SOX6: variants seen among roughly 807,000 people sequenced by gnomAD.
The protein encoded by SOX6 is SRY-box transcription factor 6, also known as transcription factor SOX-6.
In SOX6, 11 loss-of-function variants were observed where a neutral mutation model predicts 97.8. The ratio of observed to expected loss-of-function variants is 0.11; its 90% CI spans 0.07 to 0.19. The LOEUF (loss-of-function observed/expected upper bound fraction) is 0.19. Among genes scored for constraint, SOX6 ranks in the 10% least tolerant of loss-of-function variants. The probability of loss-of-function intolerance (pLI) is 1.00; values close to 1 mark genes in which losing one functional copy is unlikely to be tolerated. For missense variants in SOX6, 810 were observed against 1,039.5 expected (o/e 0.78, Z 3.04); for synonymous variants, 360 against 371.4 (o/e 0.97, Z 0.35).
At chr11:16,236,237 G>C (rs1330165172) in intron 3 of SOX6, among the ~76,000 whole-genome samples, 1 of 151,906 alleles carries the variant, frequency 6.6e-6, no homozygotes, top group African/African-American at 2.4e-5. Flanking sequence ...ATATGTTCGG[G>C]TTGCATTTAA....
Position 15,986,289 on chromosome 11 carries a change from C to T in SOX6, c.2098G>A (p.Val700Ile). 1 of 1,614,140 alleles carries T rather than the reference C, an allele frequency of 6.2e-7. No individual in the cohort carries two copies. Among genetic ancestry groups the T allele is most frequent in the African/African-American group, 1.3e-5 (1 of 75,030 alleles). ...YKPRPKRTCI[V>I]DGKKLRIGEY... Reference sequence around the variant, plus strand: ...CCAATCCGAAGCTTTTTGCCATCAACAATGCAGGTGCGTTTCGGTCGGGGT... The same window carrying T: ...CCAATCCGAAGCTTTTTGCCATCAATAATGCAGGTGCGTTTCGGTCGGGGT... The change falls in exon 15 of 16, where the codon GTT becomes ATT. Residue 700 changes from valine (V) to isoleucine (I), a missense_variant. Transcript: ENST00000683767.
At chr11:16,245,344 C>G (rs943236667) in intron 3 of SOX6, among the ~76,000 whole-genome samples, 5 of 151,482 alleles carry the variant, frequency 3.3e-5, no homozygotes, top group Non-Finnish European at 5.9e-5. Context: ...TTTTATAGTC[C>G]AGCATGTGCC....
At chr11:15,988,533 C>T (rs1853937865) in intron 14 of SOX6, among the ~76,000 whole-genome samples, 1 of 152,106 alleles carries the variant, frequency 6.6e-6, no homozygotes, top group South Asian at 2.1e-4. Context: ...GTTTCTAGTC[C>T]TTGATGAATT....
At chr11:16,645,754 C>A (rs1298685114) in intron 3 of SOX6, among the ~76,000 whole-genome samples, 1 of 152,176 alleles carries the variant, frequency 6.6e-6, no homozygotes, top group Non-Finnish European at 1.5e-5. Context: ...AGGAAGGATT[C>A]CACCAGGTTT....
At chr11:16,074,788 AC>A (rs1277642543) in intron 9 of SOX6, among the ~76,000 whole-genome samples, 2 of 152,212 alleles carry the variant, frequency 1.3e-5, no homozygotes, top group Non-Finnish European at 2.9e-5. Context: ...AAATGGCCAT[AC>A]TGCCAAAAGC....
At chr11:16,551,662 G>A (rs28380308) in intron 4 of SOX6, among the ~76,000 whole-genome samples, 120 of 152,172 alleles carry the variant, frequency 7.9e-4, no homozygotes, top group African/African-American at 2.7e-3. Flanking sequence ...GGAGTACAGT[G>A]GTGCAACCTT....
intron 1 of SOX6, among the ~76,000 whole-genome samples, chr11:16,464,579 C>A (rs185864792): frequency 2.0e-4 from 31 of 152,150 alleles, no homozygotes; most frequent in Admixed American, 2.6e-4. Flanking sequence ...AGTTTCCCAA[C>A]CCCCAAAACT....
chr11:16,105,843 A>C (rs1849065602), intron 7 of SOX6, among the ~76,000 whole-genome samples: 1 of 152,288 alleles, frequency 6.6e-6, no homozygotes, highest in East Asian at 1.9e-4. Flanking sequence ...TAGAATTAAT[A>C]AATTCAGCAA....
chr11:16,283,553 A>G (rs1477785851), intron 3 of SOX6, among the ~76,000 whole-genome samples: 3 of 151,800 alleles, frequency 2.0e-5, no homozygotes, highest in South Asian at 4.1e-4. Context: ...ACATACATAA[A>G]CACACAACAC....
At chr11:16,349,660 G>A (rs985157532) in intron 1 of SOX6, among the ~76,000 whole-genome samples, 1 of 45,694 alleles carries the variant, frequency 2.2e-5, no homozygotes, top group African/African-American at 6.7e-5. Context: ...ACAGAAGAAA[G>A]AGAGGGAGGG....
chr11:16,709,387 A>C (rs1039069705), intron 3 of SOX6, among the ~76,000 whole-genome samples: 3 of 152,116 alleles, frequency 2.0e-5, no homozygotes, highest in African/African-American at 7.2e-5. Flanking sequence ...GCATGGCCAC[A>C]AGCACTGGTA....
chr11:16,252,196 C>T (rs1026982182), intron 3 of SOX6, among the ~76,000 whole-genome samples: 1 of 152,158 alleles, frequency 6.6e-6, no homozygotes, highest in African/African-American at 2.4e-5. Context: ...CTTCCCGTTT[C>T]CAGTCCAGCA....
intron 4 of SOX6, among the ~76,000 whole-genome samples, chr11:16,548,747 A>G (rs1565177839): frequency 6.6e-6 from 1 of 152,168 alleles, no homozygotes; most frequent in Non-Finnish European, 1.5e-5. Flanking sequence ...TAAGTTCAAG[A>G]GACCTATTGT....
At chr11:16,349,715 A>AGGAAGGAAGGAAGGAAGGAG (rs369882029) in intron 1 of SOX6, among the ~76,000 whole-genome samples, 22 of 41,728 alleles carry the variant, frequency 5.3e-4, no homozygotes, top group Admixed American at 2.2e-3. Flanking sequence ...GAAGGAAGGA[A>AGGAAGGAAGGAAGGAAGGAG]GAAGGAAGGA....
chr11:16,666,260 T>C (rs759839713), intron 3 of SOX6, among the ~76,000 whole-genome samples: 1 of 152,160 alleles, frequency 6.6e-6, no homozygotes, highest in South Asian at 2.1e-4. Flanking sequence ...GAGAAAGATA[T>C]GTGACCCTTC....
intron 4 of SOX6, among the ~76,000 whole-genome samples, chr11:16,606,817 A>AT: frequency 6.6e-6 from 1 of 151,876 alleles, no homozygotes; most frequent in Non-Finnish European, 1.5e-5. Context: ...CTCAGGGTGG[A>AT]TTTTTTGGAG....
At chr11:16,463,152 G>A (rs12363505) in intron 1 of SOX6, among the ~76,000 whole-genome samples, 43,615 of 152,018 alleles carry the variant, frequency 0.29, 6,454 homozygotes, top group Middle Eastern at 0.31. Flanking sequence ...CTGGTGTACC[G>A]GAATGGGAAC....
intron 3 of SOX6, among the ~76,000 whole-genome samples, chr11:16,244,537 G>A (rs529967357): frequency 1.3e-5 from 2 of 151,394 alleles, no homozygotes; most frequent in East Asian, 3.9e-4. Context: ...TTTTTCCTAT[G>A]TTTTCTTCTA....
At chr11:16,173,813 A>G (rs1851106468) in intron 6 of SOX6, among the ~76,000 whole-genome samples, 1 of 150,926 alleles carries the variant, frequency 6.6e-6, no homozygotes, top group African/African-American at 2.4e-5. Context: ...GCTTTTGTAT[A>G]TTAAAAAAGT....
Sources: allele counts gnomAD v4.1 joint callset (sites outside exome capture counted in the v4.1 genomes callset), GRCh38; gene constraint gnomAD v4.1.1; transcripts MANE v1.5; gene names NCBI Gene and HGNC (gene_info 2026-07-23, HGNC 2026-07-21).